IFFO1: variants seen among roughly 807,000 people sequenced by gnomAD.
IFFO1 encodes non-homologous end joining factor IFFO1.
In IFFO1, 42 loss-of-function variants were observed where a neutral mutation model predicts 59.6. The ratio of observed to expected loss-of-function variants is 0.70; its 90% CI spans 0.55 to 0.91. The LOEUF (loss-of-function observed/expected upper bound fraction) is 0.91. IFFO1 is among the 40% of genes least tolerant of loss of function. IFFO1 has a pLI of 0.00. For missense variants in IFFO1, 711 were observed against 793.2 expected (o/e 0.90, Z 1.24); for synonymous variants, 336 against 342.8 (o/e 0.98, Z 0.22).
chr12:6,549,762 C>T lies in IFFO1; in HGVS notation c.1065G>A (p.Met355Ile). The T allele has an allele frequency of 1.2e-6, 2 of 1,613,226 alleles. No individual in the cohort carries two copies. The highest frequency in any genetic ancestry group is 1.7e-6 in the Non-Finnish European group (2 of 1,179,288). Residue 355 changes from methionine (M) to isoleucine (I), a missense_variant, in exon 4 of 10, where the codon ATG becomes ATA. Met to Ile is a conservative substitution (Grantham distance 10, BLOSUM62 1). Around this residue, in one of 3 missense-constraint regions of IFFO1, gnomAD observed 579 missense variants for 650.3 expected, o/e 0.89. Transcript: ENST00000619571. This position sits in a 1 kb window ranked among gnomAD's most constrained non-coding sequence, Gnocchi z 5.0. ...QQRNCEDMIQ[M>I]FQKKLSLHLS... The stretch of plus-strand genomic sequence containing the variant: ...AGGGCAGCTCCGTCCTCACCTGGAA[C>T]ATCTGGATCATGTCCTCGCAGTTGC...
At chr12:6,552,664 G>A (rs778637401) in intron 1 of IFFO1, among the ~76,000 whole-genome samples, 12 of 152,190 alleles carry the variant, frequency 7.9e-5, no homozygotes, top group Non-Finnish European at 1.8e-4. Context: ...AAGAGGGCAG[G>A]AGGGGCTATC....
chr12:6,550,057 C>A, intron 3 of IFFO1, 161 bp from the exon 4 acceptor site: 2 of 743,214 alleles, frequency 2.7e-6, no homozygotes, highest in Non-Finnish European at 4.3e-6. Context: ...GTAGCGGTGG[C>A]CTCCCCACAG....
At chr12:6,543,334 C>G (rs1946805423) in intron 8 of IFFO1, among the ~76,000 whole-genome samples, 1 of 152,192 alleles carries the variant, frequency 6.6e-6, no homozygotes, top group African/African-American at 2.4e-5. Flanking sequence ...GGCCAAATAG[C>G]AGGAGGTGAG....
chr12:6,555,292 G>GGCC lies in IFFO1; in HGVS notation c.735_737dup (p.Ala246dup). 1.2e-6 allele frequency: 2 copies of GGCC among 1,614,138 alleles called. No individual in the cohort carries two copies. The highest frequency in any genetic ancestry group is 1.7e-6 in the Non-Finnish European group (2 of 1,180,022). On this transcript the variant is annotated inframe_insertion, in exon 1 of 10. Transcript: ENST00000619571. The surrounding 1 kb of genome is among the most constrained non-coding windows in gnomAD (Gnocchi z 8.6). ...ACTCGTCCCGCTCCCGCTTCACTTTGGCCAGCACGTTGTAGAGAGCGCGGA... is the reference window on the plus strand; with the variant it reads ...ACTCGTCCCGCTCCCGCTTCACTTTGGCCGCCAGCACGTTGTAGAGAGCGCGGA...
intron 8 of IFFO1, chr12:6,544,833 G>A (rs1410181698): frequency 6.6e-6 from 1 of 152,208 alleles, no homozygotes; most frequent in Non-Finnish European, 1.5e-5. Flanking sequence ...GCAGGAGCAG[G>A]ACAGTTTGAT....
At chr12:6,554,087 A>G (rs1420244422) in intron 1 of IFFO1, among the ~76,000 whole-genome samples, 1 of 151,604 alleles carries the variant, frequency 6.6e-6, no homozygotes, top group Non-Finnish European at 1.5e-5. Context: ...TTTATGGGAA[A>G]AAAAAAAAAA....
intron 3 of IFFO1, 183 bp downstream of exon 3, chr12:6,550,512 C>T (rs924254783): frequency 3.4e-6 from 2 of 593,370 alleles, no homozygotes; most frequent in Non-Finnish European, 6.0e-6. Flanking sequence ...TGTGACGCAA[C>T]ACCGAGACTT....
At position 6,555,859 on chromosome 12, in the gene IFFO1, G is replaced by A. The variant is rs376638730; in HGVS notation, c.171C>T (p.Gly57=). ...GPAAYSPPGP[G]PAPPAAMALR... The stretch of plus-strand genomic sequence containing the variant: ...GGGCCATGGCGGCAGGCGGGGCCGG[G>A]CCCGGCCCGGGCGGCGAGTAGGCAG... The change falls in exon 1 of 10, where the codon GGC becomes GGT. Residue 57 remains glycine (G), a synonymous_variant. Transcript: ENST00000619571. This position sits in a 1 kb window ranked among gnomAD's most constrained non-coding sequence, Gnocchi z 8.6. 1.9e-6 allele frequency: 3 copies of A among 1,607,092 alleles called. No individual in the cohort carries two copies. The highest frequency in any genetic ancestry group is 2.7e-5 in the African/African-American group (2 of 74,182).
chr12:6,542,160 G>T (rs1315581374), intron 8 of IFFO1, among the ~76,000 whole-genome samples: 1 of 152,164 alleles, frequency 6.6e-6, no homozygotes, highest in Non-Finnish European at 1.5e-5. Context: ...GCTGAAAGGG[G>T]CCCAATCCTC....
rs1592227992 is a variant in IFFO1 at position 6,555,255 on chromosome 12, A to G, written c.773+2T>C. On this transcript the variant is annotated splice_donor_variant, in intron 1 of 9. Transcript: ENST00000619571. LOFTEE classifies it high-confidence loss of function. The surrounding 1 kb of genome is among the most constrained non-coding windows in gnomAD (Gnocchi z 8.6). ...GACCTGTCCCCCTTTCCCAATCCCT[A>G]CCTCCGCTTGTACTCGTCCCGCTCC... 1.2e-6 allele frequency: 2 copies of G among 1,612,738 alleles called. No homozygotes were observed. Among genetic ancestry groups the G allele is most frequent in the African/African-American group, 1.3e-5 (1 of 74,468 alleles).
chr12:6,540,215 G>A lies in IFFO1; in HGVS notation c.*268C>T. On this transcript the variant is annotated 3_prime_UTR_variant, in exon 10 of 10. Transcript: ENST00000619571. ...GCTCTGGCAGCATTTTAAAGATGGGGAAGTAGCAGACACCCACGCGTGAAG... is the reference window on the plus strand; with the variant it reads ...GCTCTGGCAGCATTTTAAAGATGGGAAAGTAGCAGACACCCACGCGTGAAG... The A allele has an allele frequency of 1.8e-6, 1 of 547,368 alleles. No homozygotes were observed. The highest frequency in any genetic ancestry group is 3.3e-6 in the Non-Finnish European group (1 of 307,330). 33.9% of individuals were successfully genotyped at this position (547,368 alleles called of 1,614,324 possible). A position where few individuals can be genotyped will look rare whatever the true frequency, so the allele number is the denominator to read the frequency against.
chr12:6,544,165 CTTT>C (rs531995265), intron 8 of IFFO1, among the ~76,000 whole-genome samples: 3 of 136,700 alleles, frequency 2.2e-5, no homozygotes, highest in African/African-American at 5.6e-5. Context: ...TTTGAAAATA[CTTT>C]TTTTTTTTTT....
Position 6,549,793 on chromosome 12 carries a change from T to C in IFFO1, c.1034A>G (p.Gln345Arg), listed in dbSNP as rs1157145746. 1.2e-6 allele frequency: 2 copies of C among 1,614,164 alleles called. No homozygotes were observed. Among genetic ancestry groups the C allele is most frequent in the African/African-American group, 2.7e-5 (2 of 75,072 alleles). Residue 345 changes from glutamine to arginine, a missense_variant, in exon 4 of 10, where the codon CAG becomes CGG. Around this residue, in one of 3 missense-constraint regions of IFFO1, gnomAD observed 579 missense variants for 650.3 expected, o/e 0.89. Transcript: ENST00000619571. This position sits in a 1 kb window ranked among gnomAD's most constrained non-coding sequence, Gnocchi z 5.0. ...DITAKLCDVAQQRNCEDMIQM... is the reference protein window; with the variant it reads ...DITAKLCDVARQRNCEDMIQM... ...GATCATGTCCTCGCAGTTGCGCTGC[T>C]GAGCCACATCGCAGAGCTTGGCGGT...
rs967019102 is a variant in IFFO1 at position 6,548,610 on chromosome 12, T to G, written c.1262+58A>C. 6.2e-7 allele frequency: 1 copy of G among 1,613,282 alleles called. No individual in the cohort carries two copies. The highest frequency in any genetic ancestry group is 1.3e-5 in the African/African-American group (1 of 74,854). On this transcript the variant is annotated intron_variant, in intron 6 of 9. Coordinates refer to ENST00000619571, the MANE Select transcript of IFFO1 (RefSeq NM_001193457.2). This position sits in a 1 kb window ranked among gnomAD's most constrained non-coding sequence, Gnocchi z 6.1. ...TCGTCCTGGCGGGGGACTGGGGAGCTCCGGCCTCCTGGGCTGCTGTGGCGT... is the reference window on the plus strand; with the variant it reads ...TCGTCCTGGCGGGGGACTGGGGAGCGCCGGCCTCCTGGGCTGCTGTGGCGT...
chr12:6,551,519 T>G, intron 1 of IFFO1: 1 of 1,274,642 alleles, frequency 7.8e-7, no homozygotes, highest in Non-Finnish European at 1.0e-6. Flanking sequence ...GGACACATAG[T>G]GTATCAACAG....
At chr12:6,542,431 CTCTT>C (rs1297747372) in intron 8 of IFFO1, among the ~76,000 whole-genome samples, 3 of 152,218 alleles carry the variant, frequency 2.0e-5, no homozygotes, top group Admixed American at 1.3e-4. Context: ...TCGACTGCCT[CTCTT>C]TGTTTTGGGT....
At chr12:6,546,280 C>G (rs1162395802) in intron 8 of IFFO1, among the ~76,000 whole-genome samples, 6 of 152,280 alleles carry the variant, frequency 3.9e-5, no homozygotes, top group Admixed American at 3.9e-4. Context: ...GAACACATGC[C>G]CTGAAGATAA....
chr12:6,544,318 C>T (rs1047148146), intron 8 of IFFO1, among the ~76,000 whole-genome samples: 1 of 152,040 alleles, frequency 6.6e-6, no homozygotes, highest in Non-Finnish European at 1.5e-5. Flanking sequence ...AGGTGCCCAC[C>T]ACAATGCCTG....
chr12:6,540,381 T>C lies in IFFO1; in HGVS notation c.*102A>G. 5.1e-6 allele frequency: 5 copies of C among 976,212 alleles called. No homozygotes were observed. Among genetic ancestry groups the C allele is most frequent in the Non-Finnish European group, 8.2e-6 (5 of 607,808 alleles). 60.5% of individuals were successfully genotyped at this position (976,212 alleles called of 1,614,324 possible). A position where few individuals can be genotyped will look rare whatever the true frequency, so the allele number is the denominator to read the frequency against. On this transcript the variant is annotated 3_prime_UTR_variant, in exon 10 of 10. Coordinates refer to ENST00000619571, the MANE Select transcript of IFFO1 (RefSeq NM_001193457.2). ...GCGCCCCAGTCCCCAGGGACCGGCC[T>C]GGTGCAGAGCTGCAGCTGATGTTCC...
Sources: gnomAD v4.1 joint callset for allele counts (sites outside exome capture counted in the v4.1 genomes callset) on GRCh38, gnomAD v4.1.1 for gene constraint, gnomAD v4.1.1 regional missense constraint, Gnocchi (gnomAD v3.1) non-coding constraint, MANE v1.5 for transcripts, NCBI Gene and HGNC (gene_info 2026-07-23, HGNC 2026-07-21) for gene names.